TMC7: variants seen among roughly 807,000 people sequenced by gnomAD.
TMC7 encodes the protein transmembrane channel-like protein 7.
TMC7 carries 54 observed loss-of-function variants against 82.9 expected under a neutral mutation model. That is an observed-to-expected ratio of 0.65 (90% CI 0.52 to 0.82). The LOEUF is 0.82. TMC7 is among the 40% of genes least tolerant of loss of function. TMC7 has a pLI of 0.00. For missense variants in TMC7, 820 were observed against 901.2 expected (o/e 0.91, Z 1.15); for synonymous variants, 350 against 337.9 (o/e 1.04, Z -0.39).
rs528940709 is a variant in TMC7, at chr16:19,036,432, C to A, written c.1005+609C>A. On this transcript the variant is annotated intron_variant, in intron 7 of 15. Coordinates refer to ENST00000304381, the MANE Select transcript of TMC7 (RefSeq NM_024847.4). Reference sequence around the variant, plus strand: ...TCTGAGGCAAGAGAATCGCTTGAACCGGGAGGCAGAGGTTGCAGTGAGCCG... The same window carrying A: ...TCTGAGGCAAGAGAATCGCTTGAACAGGGAGGCAGAGGTTGCAGTGAGCCG... Among the ~76,000 whole-genome samples, 84 of 151,964 alleles carry A rather than the reference C, an allele frequency of 5.5e-4. No individual in the cohort carries two copies. The Middle Eastern group carries it at 0.01, about 18-fold the overall frequency.
At chr16:18,989,050 C>G (rs1467945173) in intron 1 of TMC7, among the ~76,000 whole-genome samples, 3 of 123,520 alleles carry the variant, frequency 2.4e-5, no homozygotes, top group African/African-American at 9.3e-5. Context: ...GAGACTCTGT[C>G]TCAAAAAAAA....
At chr16:19,003,437 G>A (rs1231805589) in intron 1 of TMC7, among the ~76,000 whole-genome samples, 1 of 149,674 alleles carries the variant, frequency 6.7e-6, no homozygotes, top group Non-Finnish European at 1.5e-5. Context: ...CCGGCCAGCC[G>A]CCCCGTCCGG....
chr16:19,054,150 G>A (rs919539212), intron 13 of TMC7, among the ~76,000 whole-genome samples: 1 of 152,148 alleles, frequency 6.6e-6, no homozygotes, highest in African/African-American at 2.4e-5. Context: ...CCTTTGTGAT[G>A]TGAATTTAGT....
At chr16:19,029,717 G>A (rs75851672) in intron 5 of TMC7, among the ~76,000 whole-genome samples, 2,574 of 139,582 alleles carry the variant, frequency 0.018, 76 homozygotes, top group African/African-American at 0.065. Context: ...GTCTCATTCT[G>A]TTGCCCAGGC....
Position 19,061,784 on chromosome 16 carries a change from C to G in TMC7, c.2113C>G (p.Arg705Gly), listed in dbSNP as rs1185596722. The change falls in exon 16 of 16, where the codon CGT becomes GGT. Residue 705 changes from arginine (R) to glycine (G), a missense_variant. Physicochemically the swap from Arg to Gly is moderately radical, Grantham distance 125. Coordinates refer to ENST00000304381, the MANE Select transcript of TMC7 (RefSeq NM_024847.4). Reference protein sequence around the residue: ...QLREQLSLESRDKCYLIQKLT... With the variant: ...QLREQLSLESGDKCYLIQKLT... ...TGAACTTATTATTTTTTAGGAAAGT[C>G]GTGACAAGTGCTACCTAATCCAGAA... 2 of 1,612,910 alleles carry G rather than the reference C, an allele frequency of 1.2e-6. No individual in the cohort carries two copies. Among genetic ancestry groups the G allele is most frequent in the African/African-American group, 1.3e-5 (1 of 74,830 alleles).
At chr16:19,009,958 GAA>G (rs1417241075) in intron 2 of TMC7, among the ~76,000 whole-genome samples, 1 of 135,852 alleles carries the variant, frequency 7.4e-6, no homozygotes, top group Non-Finnish European at 1.6e-5. Context: ...AAAAAAAAAA[GAA>G]GTTTCTTTCT....
At chr16:19,041,448 C>T (rs1961009668) in intron 9 of TMC7, among the ~76,000 whole-genome samples, 1 of 151,948 alleles carries the variant, frequency 6.6e-6, no homozygotes, top group East Asian at 1.9e-4. Context: ...TCACTGCAAC[C>T]TCCACCTCCC....
At chr16:19,007,812 T>G (rs1339679218) in intron 1 of TMC7, among the ~76,000 whole-genome samples, 2 of 151,828 alleles carry the variant, frequency 1.3e-5, no homozygotes, top group African/African-American at 4.8e-5. Flanking sequence ...ACTTATCACT[T>G]CCTGGCATAA....
intron 15 of TMC7, chr16:19,059,711 C>A (rs1961923367): frequency 1.3e-6 from 2 of 1,521,352 alleles, no homozygotes; most frequent in Non-Finnish European, 1.8e-6. Context: ...TGTGGTGGCT[C>A]ATGCCTGTAA....
At chr16:18,997,891 G>A (rs369952495) in intron 1 of TMC7, among the ~76,000 whole-genome samples, 20 of 151,758 alleles carry the variant, frequency 1.3e-4, no homozygotes, top group South Asian at 6.2e-4. Flanking sequence ...CACCATGCCC[G>A]GCTAATTTTT....
intron 15 of TMC7, among the ~76,000 whole-genome samples, chr16:19,060,412 C>A (rs961933930): frequency 2.6e-5 from 4 of 151,902 alleles, no homozygotes; most frequent in African/African-American, 7.3e-5. Context: ...CCTATGTTGC[C>A]CAGGCTGGTC....
intron 1 of TMC7, among the ~76,000 whole-genome samples, chr16:18,992,161 G>A (rs948386524): frequency 2.6e-4 from 39 of 152,148 alleles, no homozygotes; most frequent in African/African-American, 9.4e-4. Flanking sequence ...AGATCCCTGA[G>A]GAATTGCCAC....
chr16:19,002,929 G>A (rs1212871542), intron 1 of TMC7, among the ~76,000 whole-genome samples: 2 of 152,206 alleles, frequency 1.3e-5, no homozygotes, highest in South Asian at 2.1e-4. Flanking sequence ...GGATGAGAAG[G>A]ACATCAAGGC....
At chr16:19,015,427 C>T (rs944181926) in intron 2 of TMC7, among the ~76,000 whole-genome samples, 4 of 151,746 alleles carry the variant, frequency 2.6e-5, no homozygotes, top group African/African-American at 9.7e-5. Context: ...GTGCCTGGCC[C>T]GTCATTCCTT....
chr16:18,984,903 C>G (rs1028519454), intron 1 of TMC7, among the ~76,000 whole-genome samples: 6 of 152,152 alleles, frequency 3.9e-5, no homozygotes, highest in Non-Finnish European at 7.3e-5. Flanking sequence ...AACACAAGAC[C>G]CTGCTGTAAA....
At chr16:19,022,988 C>G (rs1960051284) in intron 4 of TMC7, 125 bp from the exon 5 acceptor site, 1 of 507,290 alleles carries the variant, frequency 2.0e-6, no homozygotes, top group Admixed American at 3.6e-5. Flanking sequence ...CCATTGCACT[C>G]CAGTCTGGAT....
At chr16:18,984,426 C>T in intron 1 of TMC7, 1 of 1,219,748 alleles carries the variant, frequency 8.2e-7, no homozygotes, top group Non-Finnish European at 1.0e-6. Flanking sequence ...CTTTCAATAG[C>T]CTCATCTGCT....
chr16:18,984,185 C>G lies in TMC7; in HGVS notation c.67+55C>G, dbSNP rs1370325763. ...GGTGCCCCTGGGGTCCGAGGGCGCA[C>G]GGAGGGAGCCGGGTGCTGGAGGCTC... On this transcript the variant is annotated intron_variant, in intron 1 of 15. Coordinates refer to ENST00000304381, the MANE Select transcript of TMC7 (RefSeq NM_024847.4). The G allele has an allele frequency of 3.5e-6, 5 of 1,435,798 alleles. No homozygotes were observed. The African/African-American group carries it at 4.5e-5, about 13-fold the overall frequency. The allele number at this position is 1,435,798 out of a possible 1,614,324, so 88.9% of individuals were successfully genotyped here.
chr16:19,000,588 A>G lies in TMC7; in HGVS notation c.68-8584A>G, dbSNP rs149956577. Among the ~76,000 whole-genome samples the G allele has an allele frequency of 5.1e-3, 772 of 152,362 alleles. 10 individuals carry two copies. The highest frequency in any genetic ancestry group is 0.018 in the African/African-American group (733 of 41,594). ...ATCAAATTGTGTGTGCATGCATGACATTTTATCATTTCATGAGAAGAAAAA... is the reference window on the plus strand; with the variant it reads ...ATCAAATTGTGTGTGCATGCATGACGTTTTATCATTTCATGAGAAGAAAAA... On this transcript the variant is annotated intron_variant, in intron 1 of 15. Coordinates refer to ENST00000304381, the MANE Select transcript of TMC7 (RefSeq NM_024847.4).
Sources: allele counts gnomAD v4.1 joint callset (sites outside exome capture counted in the v4.1 genomes callset), GRCh38; gene constraint gnomAD v4.1.1; transcripts MANE v1.5; gene names NCBI Gene and HGNC (gene_info 2026-07-23, HGNC 2026-07-21).